Variants in TNKS observed in about 807,000 individuals in gnomAD.
The protein encoded by TNKS is tankyrase, also known as poly [ADP-ribose] polymerase tankyrase-1.
TNKS carries 72 observed loss-of-function variants against 135.8 expected under a neutral mutation model. The ratio of observed to expected loss-of-function variants is 0.53; its 90% CI spans 0.44 to 0.64. The LOEUF (loss-of-function observed/expected upper bound fraction) is 0.64, where lower values mean the gene tolerates loss of function less well. Ranked by LOEUF, TNKS falls within the 30% of genes least tolerant of loss-of-function variation. The pLI is 0.00. For missense variants in TNKS, 1,769 were observed against 1,674.0 expected (o/e 1.06, Z -0.99); for synonymous variants, 849 against 649.3 (o/e 1.31, Z -4.68).
chr8:9,638,941 T>C lies in TNKS; in HGVS notation c.994+23264T>C, dbSNP rs375094352. 2.6e-5 allele frequency among the ~76,000 whole-genome samples: 4 copies of C among 152,276 alleles called. No homozygotes were observed. The East Asian group carries it at 5.8e-4, about 22-fold the overall frequency. ...AGTGAATGATTCCAAGAACTTTCTA[T>C]ACCTTAATTAAAAAGCGATGGAAGT... On this transcript the variant is annotated intron_variant, in intron 3 of 26. Coordinates refer to ENST00000310430, the MANE Select transcript of TNKS (RefSeq NM_003747.3).
intron 2 of TNKS, among the ~76,000 whole-genome samples, chr8:9,598,338 C>A (rs1189109014): frequency 6.6e-6 from 1 of 152,038 alleles, no homozygotes; most frequent in Non-Finnish European, 1.5e-5. Context: ...TGAGCCACCG[C>A]GCCCGGCCAG....
At chr8:9,694,956 G>A (rs1803445463) in intron 5 of TNKS, among the ~76,000 whole-genome samples, 1 of 152,106 alleles carries the variant, frequency 6.6e-6, no homozygotes, top group Non-Finnish European at 1.5e-5. Flanking sequence ...CTGTCTAGAT[G>A]GTAGTTATAA....
At chr8:9,703,025 C>G (rs1330552031) in intron 5 of TNKS, among the ~76,000 whole-genome samples, 1 of 152,072 alleles carries the variant, frequency 6.6e-6, no homozygotes, top group Non-Finnish European at 1.5e-5. Flanking sequence ...AAAAAACAAA[C>G]AAACAAAAAA....
chr8:9,616,704 T>A (rs970031736), intron 3 of TNKS, among the ~76,000 whole-genome samples: 1 of 152,172 alleles, frequency 6.6e-6, no homozygotes, highest in Non-Finnish European at 1.5e-5. Flanking sequence ...AAAATCAATA[T>A]AATTATTGCT....
intron 3 of TNKS, among the ~76,000 whole-genome samples, chr8:9,638,476 A>G (rs1427901323): frequency 6.6e-6 from 1 of 152,226 alleles, no homozygotes; most frequent in African/African-American, 2.4e-5. Context: ...AGCTGCATCC[A>G]TATATACCTA....
intron 11 of TNKS, among the ~76,000 whole-genome samples, chr8:9,711,485 A>C (rs1372046507): frequency 6.6e-6 from 1 of 152,230 alleles, no homozygotes; most frequent in Non-Finnish European, 1.5e-5. Context: ...TGATCAGAGT[A>C]GTGACCCTGA....
At chr8:9,560,940 T>C (rs74548073) in intron 1 of TNKS, among the ~76,000 whole-genome samples, 1,734 of 152,282 alleles carry the variant, frequency 0.011, 30 homozygotes, top group African/African-American at 0.038. Flanking sequence ...TACTGCTCTT[T>C]GGAAGCAAAT....
chr8:9,767,915 C>T (rs1326249127), intron 25 of TNKS, among the ~76,000 whole-genome samples: 35 of 148,310 alleles, frequency 2.4e-4, no homozygotes, highest in African/African-American at 8.8e-4. Flanking sequence ...GCCGAGATCG[C>T]GCCACTGCAC....
intron 3 of TNKS, among the ~76,000 whole-genome samples, chr8:9,676,036 G>C (rs1051149247): frequency 7.5e-6 from 1 of 133,986 alleles, no homozygotes; most frequent in African/African-American, 2.8e-5. Context: ...TTTTGAGATA[G>C]AGTTTCTCTC....
intron 3 of TNKS, among the ~76,000 whole-genome samples, chr8:9,620,666 A>G (rs1471994651): frequency 2.0e-5 from 3 of 152,134 alleles, no homozygotes; most frequent in African/African-American, 7.2e-5. Context: ...CCTCAAGCAG[A>G]TGAAACCTTA....
intron 9 of TNKS, 105 bp downstream of exon 9, chr8:9,708,597 G>A: frequency 8.4e-7 from 1 of 1,196,340 alleles, no homozygotes; most frequent in Non-Finnish European, 1.1e-6. Context: ...TATCTGAAAT[G>A]CCAGGAATTT....
At chr8:9,583,537 G>A (rs1798250463) in intron 2 of TNKS, among the ~76,000 whole-genome samples, 1 of 151,766 alleles carries the variant, frequency 6.6e-6, no homozygotes, top group Non-Finnish European at 1.5e-5. Context: ...TCACCAGGCT[G>A]GAGTGCGGTG....
Position 9,766,433 on chromosome 8 carries a change from T to C in TNKS, c.3740+8T>C. On this transcript the variant is annotated splice_region_variant and intron_variant, in intron 25 of 26. Transcript: ENST00000310430. Reference sequence around the variant, plus strand: ...ATGCTATATATGTCACAGGTAAGCATCTTGCCATTAGTGTAACGTTTCCCA... The same window carrying C: ...ATGCTATATATGTCACAGGTAAGCACCTTGCCATTAGTGTAACGTTTCCCA... The C allele has an allele frequency of 1.3e-6, 2 of 1,544,770 alleles. No individual in the cohort carries two copies. The highest frequency in any genetic ancestry group is 1.8e-6 in the Non-Finnish European group (2 of 1,140,636).
intron 2 of TNKS, among the ~76,000 whole-genome samples, chr8:9,607,370 A>G (rs1288135125): frequency 1.3e-5 from 2 of 152,170 alleles, no homozygotes; most frequent in East Asian, 1.9e-4. Flanking sequence ...GAAGATCTAC[A>G]TTTATAGTTA....
At chr8:9,582,983 G>T (rs879744736) in intron 2 of TNKS, among the ~76,000 whole-genome samples, 2 of 151,796 alleles carry the variant, frequency 1.3e-5, no homozygotes, top group African/African-American at 4.8e-5. Flanking sequence ...TGGCTAACAC[G>T]GTGAAACCCC....
At chr8:9,596,089 T>G (rs1252487594) in intron 2 of TNKS, among the ~76,000 whole-genome samples, 1 of 152,124 alleles carries the variant, frequency 6.6e-6, no homozygotes, top group African/African-American at 2.4e-5. Context: ...CCAGTCTGGG[T>G]GACAGAGGGG....
chr8:9,756,430 T>A (rs1806836218), intron 20 of TNKS, among the ~76,000 whole-genome samples: 1 of 151,970 alleles, frequency 6.6e-6, no homozygotes, highest in Admixed American at 6.6e-5. Flanking sequence ...ACGTGGATAA[T>A]CTTTATTCTT....
At chr8:9,565,029 T>G (rs1223176880) in intron 1 of TNKS, among the ~76,000 whole-genome samples, 1 of 152,150 alleles carries the variant, frequency 6.6e-6, no homozygotes, top group Non-Finnish European at 1.5e-5. Flanking sequence ...AAAATCACTT[T>G]GATTTCAAGT....
chr8:9,570,396 C>T (rs1017431036), intron 1 of TNKS, among the ~76,000 whole-genome samples: 18 of 146,628 alleles, frequency 1.2e-4, no homozygotes, highest in Non-Finnish European at 2.4e-4. Context: ...ACATAATGTC[C>T]TGGGGGCTAA....
Sources: gnomAD v4.1 joint callset for allele counts (sites outside exome capture counted in the v4.1 genomes callset) on GRCh38, gnomAD v4.1.1 for gene constraint, MANE v1.5 for transcripts, NCBI Gene and HGNC (gene_info 2026-07-23, HGNC 2026-07-21) for gene names.